The following CENPN variants were observed in gnomAD, a reference collection of about 807,000 sequenced individuals.
CENPN encodes interphase centromere complex protein 32.
A neutral mutation model predicts 48.6 loss-of-function variants in CENPN; 36 were observed. The observed-to-expected ratio is 0.74, with a 90% confidence interval of 0.57 to 0.98. CENPN has a LOEUF of 0.98. CENPN is among the 50% of genes least tolerant of loss of function. The pLI is 0.00. For synonymous variants in CENPN, 166 were observed against 135.2 expected, an observed-to-expected ratio of 1.23 and a Z score of -1.58; for missense variants, 439 against 399.2, an observed-to-expected ratio of 1.10 and a Z score of -0.85.
At position 81,026,654 on chromosome 16, in the gene CENPN, A is replaced by T; in HGVS notation, c.810+16A>T. 7.9e-7 allele frequency: 1 copy of T among 1,272,078 alleles called. No individual in the cohort carries two copies. The highest frequency in any genetic ancestry group is 1.1e-6 in the Non-Finnish European group (1 of 881,446). 78.8% of individuals were successfully genotyped at this position (1,272,078 alleles called of 1,614,324 possible). A position where few individuals can be genotyped will look rare whatever the true frequency, so the allele number is the denominator to read the frequency against. Reference sequence around the variant, plus strand: ...ACAATATAAGGTAAGATGTCGTAATAAATATTAAGTACAAGATATCAACAT... The same window carrying T: ...ACAATATAAGGTAAGATGTCGTAATTAATATTAAGTACAAGATATCAACAT... On this transcript the variant is annotated intron_variant, in intron 9 of 10. Coordinates refer to ENST00000305850, the MANE Select transcript of CENPN (RefSeq NM_001100624.3).
In CENPN at chr16:81,031,097, G is replaced by C. The variant is rs1048194; in HGVS notation, c.*2446G>C. Reference sequence around the variant, plus strand: ...ATAAATGACATCACTTTGGTTCAGAGCTCTAAAATGGAGGGAGGAAGCCAT... The same window carrying C: ...ATAAATGACATCACTTTGGTTCAGACCTCTAAAATGGAGGGAGGAAGCCAT... On this transcript the variant is annotated 3_prime_UTR_variant, in exon 11 of 11. Transcript: ENST00000305850. 6.6e-6 allele frequency: 1 copy of C among 151,462 alleles called. No individual in the cohort carries two copies. The highest frequency in any genetic ancestry group is 1.5e-5 in the Non-Finnish European group (1 of 67,904). The allele number at this position is 151,462 out of a possible 1,614,324, so 9.4% of individuals were successfully genotyped here.
At chr16:81,008,063 C>T (rs1446582085) in intron 1 of CENPN, among the ~76,000 whole-genome samples, 2 of 152,008 alleles carry the variant, frequency 1.3e-5, no homozygotes, top group Non-Finnish European at 2.9e-5. Flanking sequence ...CCCGAGATCG[C>T]GCCACTGCAC....
At chr16:81,016,021 A>G (rs9934940) in intron 3 of CENPN, among the ~76,000 whole-genome samples, 35,709 of 150,806 alleles carry the variant, frequency 0.24, 4,445 homozygotes, top group East Asian at 0.41. Context: ...AAAAGGAAAA[A>G]GAAAAGAAAA....
intron 9 of CENPN, among the ~76,000 whole-genome samples, chr16:81,027,066 G>C (rs1024067578): frequency 6.6e-6 from 1 of 152,148 alleles, no homozygotes; most frequent in South Asian, 2.1e-4. Context: ...CCAAGGTGTT[G>C]GGATTACAGA....
intron 3 of CENPN, chr16:81,014,382 G>A: frequency 1.8e-6 from 1 of 551,754 alleles, no homozygotes. Context: ...CTATAGCAGT[G>A]CACCACCATG....
intron 1 of CENPN, among the ~76,000 whole-genome samples, chr16:81,009,252 G>A (rs1331301027): frequency 6.6e-6 from 1 of 152,196 alleles, no homozygotes; most frequent in East Asian, 1.9e-4. Flanking sequence ...GTGGAGAGTG[G>A]GGAAGTAACT....
Position 81,031,208 on chromosome 16 carries a change from C to G in CENPN, c.*2557C>G, listed in dbSNP as rs556690207. ...AAACAATACAGGAGCTTACCTTGAACCTTTGAATTGGGCCAAATTGCGATG... is the reference window on the plus strand; with the variant it reads ...AAACAATACAGGAGCTTACCTTGAAGCTTTGAATTGGGCCAAATTGCGATG... On this transcript the variant is annotated 3_prime_UTR_variant, in exon 11 of 11. Transcript: ENST00000305850. 1 of 151,342 alleles carries G rather than the reference C, an allele frequency of 6.6e-6. No individual in the cohort carries two copies. Among genetic ancestry groups the G allele is most frequent in the Non-Finnish European group, 1.5e-5 (1 of 67,840 alleles). 9.4% of individuals were successfully genotyped at this position (151,342 alleles called of 1,614,324 possible).
chr16:81,023,852 G>C (rs777617367), intron 7 of CENPN: 3 of 152,130 alleles, frequency 2.0e-5, no homozygotes, highest in African/African-American at 7.2e-5. Flanking sequence ...AGTCCGAGGC[G>C]GGCGGATCAC....
chr16:81,024,701 T>C lies in CENPN; in HGVS notation c.634-14T>C. 6.4e-7 allele frequency: 1 copy of C among 1,570,112 alleles called. No individual in the cohort carries two copies. The highest frequency in any genetic ancestry group is 8.7e-7 in the Non-Finnish European group (1 of 1,151,080). On this transcript the variant is annotated splice_polypyrimidine_tract_variant and intron_variant, in intron 7 of 10. Coordinates refer to ENST00000305850, the MANE Select transcript of CENPN (RefSeq NM_001100624.3). ...ATGTCAAGATTAGTAAAATATTCAC[T>C]TTTTTTTCCCTAGACCTTTGAAACT...
At position 81,008,485 on chromosome 16, in the gene CENPN, C is replaced by T. The variant is rs147092885; in HGVS notation, c.-11+1208C>T. The stretch of plus-strand genomic sequence containing the variant: ...CTCCCGGATTCAGGCTGTTCTCTTG[C>T]CTCAGCCTCCCGAGTAGCTGGGACT... On this transcript the variant is annotated intron_variant, in intron 1 of 10. Coordinates refer to ENST00000305850, the MANE Select transcript of CENPN (RefSeq NM_001100624.3). 5.0e-4 allele frequency among the ~76,000 whole-genome samples: 76 copies of T among 152,214 alleles called. 1 individual carries two copies. In the East Asian group the frequency reaches 0.013, roughly 26 times the overall value.
chr16:81,032,823 G>C, downstream of CENPN: 2 of 1,057,144 alleles, frequency 1.9e-6, no homozygotes, highest in Non-Finnish European at 2.7e-6. Context: ...ACTCAAATTT[G>C]ACCAATCTTG....
chr16:81,021,328 A>G (rs1276478719), intron 6 of CENPN, among the ~76,000 whole-genome samples: 1 of 152,056 alleles, frequency 6.6e-6, no homozygotes, highest in Non-Finnish European at 1.5e-5. Flanking sequence ...ATCTTTCCCC[A>G]AAGTTAGTTC....
Position 81,018,807 on chromosome 16 carries a change from G to T in CENPN, c.354+973G>T, listed in dbSNP as rs16954496. Among the ~76,000 whole-genome samples the T allele has an allele frequency of 4.1e-3, 624 of 152,272 alleles. 5 individuals carry two copies. The highest frequency in any genetic ancestry group is 0.015 in the African/African-American group (604 of 41,546). ...AGCTGCTAAAGAATGAGCAGAATTT[G>T]CTAGTGCCACTGTAACAACCCACTT... On this transcript the variant is annotated intron_variant, in intron 5 of 10. Transcript: ENST00000305850.
At chr16:81,016,500 G>A (rs189575378) in intron 3 of CENPN, among the ~76,000 whole-genome samples, 13 of 152,246 alleles carry the variant, frequency 8.5e-5, no homozygotes, top group African/African-American at 2.9e-4. Flanking sequence ...GATGGCTCAC[G>A]CCTGTAATCC....
chr16:81,022,747 T>C, intron 7 of CENPN, 49 bp downstream of exon 7: 1 of 1,614,130 alleles, frequency 6.2e-7, no homozygotes, highest in Non-Finnish European at 8.5e-7. Context: ...ATTTTCTCTT[T>C]GACACAGGAG....
chr16:81,013,369 G>T (rs184471392), intron 2 of CENPN, among the ~76,000 whole-genome samples: 6 of 152,324 alleles, frequency 3.9e-5, no homozygotes, highest in South Asian at 2.1e-4. Flanking sequence ...TTTGCCTTAG[G>T]ACTAAGGCTT....
At chr16:81,019,663 G>C (rs1422164356) in intron 5 of CENPN, among the ~76,000 whole-genome samples, 1 of 151,824 alleles carries the variant, frequency 6.6e-6, no homozygotes, top group Non-Finnish European at 1.5e-5. Context: ...ACAGTTTTCA[G>C]GACAAGCCCA....
In CENPN at chr16:81,029,338, A is replaced by T; in HGVS notation, c.*687A>T. The T allele has an allele frequency of 2.1e-6, 2 of 941,400 alleles. No homozygotes were observed. The highest frequency in any genetic ancestry group is 2.5e-6 in the Non-Finnish European group (2 of 789,850). 58.3% of individuals were successfully genotyped at this position (941,400 alleles called of 1,614,324 possible). On this transcript the variant is annotated 3_prime_UTR_variant, in exon 11 of 11. Transcript: ENST00000305850. ...CACATCAGTTAATTTTGATCAAAGT[A>T]CTTCAGTGATCATCACTAAATACCC...
chr16:81,028,037 G>A, intron 9 of CENPN, 134 bp from the exon 10 acceptor site: 2 of 780,692 alleles, frequency 2.6e-6, no homozygotes, highest in Non-Finnish European at 4.1e-6. Context: ...CAGATTAAAT[G>A]GTCCCCACCC....
Sources: gnomAD v4.1 joint callset for allele counts (sites outside exome capture counted in the v4.1 genomes callset) on GRCh38, gnomAD v4.1.1 for gene constraint, MANE v1.5 for transcripts, NCBI Gene and HGNC (gene_info 2026-07-23, HGNC 2026-07-21) for gene names.